TEX26: variants seen among roughly 807,000 people sequenced by gnomAD.
TEX26 encodes the protein testis expressed 26, also known as testis-expressed protein 26.
Under a neutral mutation model 35.3 loss-of-function variants are expected in TEX26, and 34 were observed. That is an observed-to-expected ratio of 0.96 (90% CI 0.73 to 1.28). TEX26 has a LOEUF of 1.28. Among genes scored for constraint, TEX26 ranks in the 50% most tolerant of loss-of-function variants. The probability of loss-of-function intolerance (pLI) is 0.00; values close to 1 mark genes in which losing one functional copy is unlikely to be tolerated. For synonymous variants in TEX26, 136 were observed against 111.8 expected (o/e 1.22, Z -1.36); for missense variants, 371 against 330.1 (o/e 1.12, Z -0.96).
chr13:30,969,252 CCACTTATTAAAAAAGAGACATA>C (rs1419040449), intron 6 of TEX26, among the ~76,000 whole-genome samples: 4 of 152,048 alleles, frequency 2.6e-5, no homozygotes, highest in Non-Finnish European at 4.4e-5. Flanking sequence ...GACTATATCC[CCACTTATTAAAAAAGAGACATA>C]CAGCTTTTCA....
At chr13:30,974,131 A>AAAAATATATATATATATATATATATATAT in intron 6 of TEX26, among the ~76,000 whole-genome samples, 6 of 84,412 alleles carry the variant, frequency 7.1e-5, no homozygotes, top group Non-Finnish European at 1.3e-4. Flanking sequence ...AAAAAAAAAA[A>AAAAATATATATATATATATATATATATAT]ATATATATAT....
At chr13:30,955,782 C>T (rs1002517863) in intron 3 of TEX26, among the ~76,000 whole-genome samples, 7 of 152,188 alleles carry the variant, frequency 4.6e-5, no homozygotes, top group African/African-American at 1.4e-4. Flanking sequence ...AGAGAGGGAT[C>T]TAGTGCTGCA....
At chr13:30,945,769 A>G (rs758083748) in intron 2 of TEX26, among the ~76,000 whole-genome samples, 22 of 151,866 alleles carry the variant, frequency 1.4e-4, no homozygotes, top group Non-Finnish European at 2.9e-4. Context: ...TAGGACCCCA[A>G]TCCCTTCTGG....
chr13:30,939,853 A>C, intron 2 of TEX26, 75 bp downstream of exon 2: 2 of 1,303,642 alleles, frequency 1.5e-6, no homozygotes, highest in Admixed American at 3.7e-5. Context: ...CAGAATCCAA[A>C]CACATAGACA....
rs542661204 is a variant in TEX26 at position 30,933,774 on chromosome 13, C to A, written c.61+998C>A. 5 of 152,216 alleles carry A rather than the reference C, an allele frequency of 3.3e-5. 1 individual carries two copies. The East Asian group carries it at 7.7e-4, about 24-fold the overall frequency. The allele number at this position is 152,216 out of a possible 1,614,324, so 9.4% of individuals were successfully genotyped here. Reference sequence around the variant, plus strand: ...CCCCTCCTAGCATCCCGACAGCACCCCTTTGGATGCTTCTCTTCCCTTTCT... The same window carrying A: ...CCCCTCCTAGCATCCCGACAGCACCACTTTGGATGCTTCTCTTCCCTTTCT... On this transcript the variant is annotated intron_variant, in intron 1 of 6. Coordinates refer to ENST00000380473, the MANE Select transcript of TEX26 (RefSeq NM_152325.3).
chr13:30,969,271 C>T lies in TEX26; in HGVS notation c.808+225C>T, dbSNP rs1954641425. ...ATATCCCCACTTATTAAAAAAGAGA[C>T]ATACAGCTTTTCACTCATTTCTGTT... On this transcript the variant is annotated intron_variant, in intron 6 of 6. Transcript: ENST00000380473. 2.6e-5 allele frequency among the ~76,000 whole-genome samples: 4 copies of T among 152,142 alleles called. No individual in the cohort carries two copies. The South Asian group carries it at 8.3e-4, about 32-fold the overall frequency.
chr13:30,954,192 T>C (rs897924790), intron 3 of TEX26, among the ~76,000 whole-genome samples: 4 of 151,578 alleles, frequency 2.6e-5, no homozygotes, highest in Non-Finnish European at 5.9e-5. Flanking sequence ...TGTATACATA[T>C]AGCTGATTAA....
intron 1 of TEX26, among the ~76,000 whole-genome samples, chr13:30,934,012 T>A (rs914926515): frequency 1.3e-5 from 2 of 152,240 alleles, no homozygotes; most frequent in African/African-American, 4.8e-5. Flanking sequence ...AATATCTAAC[T>A]GTCTACCAGA....
At chr13:30,944,963 G>T (rs942861582) in intron 2 of TEX26, among the ~76,000 whole-genome samples, 1 of 151,946 alleles carries the variant, frequency 6.6e-6, no homozygotes, top group African/African-American at 2.4e-5. Flanking sequence ...AGGTCCATTT[G>T]TTCTAGAGTG....
intron 4 of TEX26, among the ~76,000 whole-genome samples, chr13:30,961,423 T>C (rs1265078652): frequency 6.6e-6 from 1 of 152,264 alleles, no homozygotes; most frequent in Non-Finnish European, 1.5e-5. Flanking sequence ...GCAAGTGTTC[T>C]GTAGTGTGGG....
intron 6 of TEX26, among the ~76,000 whole-genome samples, chr13:30,972,173 C>A (rs1017643976): frequency 1.3e-5 from 2 of 152,174 alleles, no homozygotes; most frequent in African/African-American, 4.8e-5. Context: ...ATGAGGAAAG[C>A]CTGCCTGGAG....
intron 6 of TEX26, among the ~76,000 whole-genome samples, chr13:30,971,467 G>A (rs1034516642): frequency 2.6e-5 from 4 of 152,184 alleles, no homozygotes; most frequent in Non-Finnish European, 5.9e-5. Flanking sequence ...GAAAAGGCCA[G>A]GCTTGTTCTT....
chr13:30,949,841 C>T (rs529547118), intron 2 of TEX26, among the ~76,000 whole-genome samples: 2 of 152,126 alleles, frequency 1.3e-5, no homozygotes, highest in Admixed American at 1.3e-4. Flanking sequence ...TTTCATCAGA[C>T]ATCAAATCAA....
At position 30,945,930 on chromosome 13, in the gene TEX26, G is replaced by A. The variant is rs183043831; in HGVS notation, c.146+6152G>A. On this transcript the variant is annotated intron_variant, in intron 2 of 6. Transcript: ENST00000380473. ...TTTAGACAGTCTGATGACTATAGGC[G>A]TTGGTAAAGTCCTTTTTGTGATGAA... Among the ~76,000 whole-genome samples, 195 of 151,840 alleles carry A rather than the reference G, an allele frequency of 1.3e-3. 1 individual carries two copies. Among genetic ancestry groups the A allele is most frequent in the South Asian group, 6.2e-3 (30 of 4,806 alleles).
chr13:30,974,923 CAAAT>C lies in TEX26; in HGVS notation c.*17_*20del, dbSNP rs1393232136. 6.6e-7 allele frequency: 1 copy of C among 1,505,084 alleles called. No individual in the cohort carries two copies. Among genetic ancestry groups the C allele is most frequent in the South Asian group, 1.3e-5 (1 of 78,184 alleles). 93.2% of individuals were successfully genotyped at this position (1,505,084 alleles called of 1,614,324 possible). A position where few individuals can be genotyped will look rare whatever the true frequency, so the allele number is the denominator to read the frequency against. ...GAAGAAATGAAAAGGGAAAATAGTA[CAAAT>C]GAAGAAAATCTGAAAATCAATGGAA... On this transcript the variant is annotated 3_prime_UTR_variant, in exon 7 of 7. Transcript: ENST00000380473.
chr13:30,946,020 T>G (rs980282029), intron 2 of TEX26, among the ~76,000 whole-genome samples: 69 of 151,920 alleles, frequency 4.5e-4, no homozygotes, highest in African/African-American at 1.5e-3. Flanking sequence ...CTCAGGAAAG[T>G]TTTCCTCAAT....
At chr13:30,971,768 T>A (rs1593616766) in intron 6 of TEX26, among the ~76,000 whole-genome samples, 1 of 152,310 alleles carries the variant, frequency 6.6e-6, no homozygotes, top group African/African-American at 2.4e-5. Context: ...CTCAAAAGCT[T>A]ACTCATTGGG....
chr13:30,965,414 A>G (rs2138321898), intron 4 of TEX26, among the ~76,000 whole-genome samples: 1 of 152,338 alleles, frequency 6.6e-6, no homozygotes, highest in East Asian at 1.9e-4. Flanking sequence ...TTCAGTGTCA[A>G]TAGTAATTTG....
intron 2 of TEX26, among the ~76,000 whole-genome samples, chr13:30,941,967 AACAT>A (rs1270321520): frequency 1.3e-5 from 2 of 152,162 alleles, no homozygotes; most frequent in Non-Finnish European, 2.9e-5. Context: ...TGCTGTGGTA[AACAT>A]ACATGTACAG....
Sources: gnomAD v4.1 joint callset for allele counts (sites outside exome capture counted in the v4.1 genomes callset) on GRCh38, gnomAD v4.1.1 for gene constraint, MANE v1.5 for transcripts, NCBI Gene and HGNC (gene_info 2026-07-23, HGNC 2026-07-21) for gene names.